Variants in SLC26A3 observed in about 807,000 individuals in gnomAD.
SLC26A3 encodes solute carrier family 26 member 3, also known as chloride anion exchanger.
Under a neutral mutation model 85.6 loss-of-function variants are expected in SLC26A3, and 64 were observed. The ratio of observed to expected loss-of-function variants is 0.75; its 90% confidence interval spans 0.61 to 0.92. The LOEUF (loss-of-function observed/expected upper bound fraction) is 0.92, where lower values mean the gene tolerates loss of function less well. Among genes scored for constraint, SLC26A3 ranks in the 40% least tolerant of loss-of-function variants. The pLI is 0.00. For synonymous variants in SLC26A3, 349 were observed against 336.0 expected (o/e 1.04, Z -0.42); for missense variants, 922 against 927.3 (o/e 0.99, Z 0.07).
chr7:107,767,506 G>A, intron 20 of SLC26A3, 73 bp downstream of exon 20: 1 of 1,087,194 alleles, frequency 9.2e-7, no homozygotes, highest in South Asian at 1.3e-5. Context: ...CATGCAGGAA[G>A]TGGCCTCACT....
Position 107,774,024 on chromosome 7 carries a change from G to A in SLC26A3, c.1903C>T (p.Leu635Phe), listed in dbSNP as rs1237682553. Reference protein sequence around the residue: ...LPFHIDWNDDLPLNIEVPKIS... With the variant: ...LPFHIDWNDDFPLNIEVPKIS... ...TTGGGGACCTCAATGTTGAGAGGAAGATCATCATTCCAGTCAATGTGGAAA... is the reference window on the plus strand; with the variant it reads ...TTGGGGACCTCAATGTTGAGAGGAAAATCATCATTCCAGTCAATGTGGAAA... Residue 635 changes from leucine to phenylalanine, a missense_variant, in exon 17 of 21, where the codon CTT becomes TTT. By Grantham distance (22) the Leu-to-Phe change is conservative. Transcript: ENST00000340010. 4 of 1,613,928 alleles carry A rather than the reference G, an allele frequency of 2.5e-6. No homozygotes were observed. In the Admixed American group the frequency reaches 5.0e-5, roughly 20 times the overall value.
Position 107,776,699 on chromosome 7 carries a change from A to G in SLC26A3, c.1522T>C (p.Cys508Arg). ...TIVFRTQFPK[C>R]STLANIGRTN... Reference sequence around the variant, plus strand: ...CTTCCAATATTAGCCAGCGTGCTGCATTTTGGACTGTAGGGAGAAAAACAC... The same window carrying G: ...CTTCCAATATTAGCCAGCGTGCTGCGTTTTGGACTGTAGGGAGAAAAACAC... The change falls in exon 14 of 21, where the codon TGC becomes CGC. Residue 508 changes from cysteine to arginine, a missense_variant. Physicochemically the swap from Cys to Arg is radical, Grantham distance 180. Coordinates refer to ENST00000340010, the MANE Select transcript of SLC26A3 (RefSeq NM_000111.3). 6.2e-7 allele frequency: 1 copy of G among 1,613,490 alleles called. No individual in the cohort carries two copies. The highest frequency in any genetic ancestry group is 8.5e-7 in the Non-Finnish European group (1 of 1,179,874).
chr7:107,791,787 G>A (rs1166933471), intron 4 of SLC26A3, 43 bp downstream of exon 4: 2 of 1,271,466 alleles, frequency 1.6e-6, no homozygotes, highest in Non-Finnish European at 1.2e-6. Context: ...AATTCATAAG[G>A]AAAAAACAAT....
rs112949176 is a variant in SLC26A3 at position 107,769,374 on chromosome 7, G to A, written c.2063-1466C>T. Among the ~76,000 whole-genome samples the A allele has an allele frequency of 8.3e-3, 1,257 of 152,116 alleles. 11 individuals are homozygous for A. The highest frequency in any genetic ancestry group is 0.013 in the Non-Finnish European group (893 of 67,996). ...AAAGAAAATGTGGTACATATACACC[G>A]TGGAATACTATATAAAAACATATAA... On this transcript the variant is annotated intron_variant, in intron 18 of 20. Transcript: ENST00000340010.
intron 18 of SLC26A3, 54 bp downstream of exon 18, chr7:107,772,000 G>T: frequency 1.7e-6 from 2 of 1,165,874 alleles, no homozygotes; most frequent in South Asian, 1.2e-5. Flanking sequence ...ACTGAGAGTT[G>T]GCAGTGAGCC....
intron 3 of SLC26A3, 130 bp from the exon 4 acceptor site, chr7:107,792,070 GATGTAA>G: frequency 1.6e-6 from 1 of 636,508 alleles, no homozygotes; most frequent in Non-Finnish European, 2.9e-6. Flanking sequence ...ATGTATTAAA[GATGTAA>G]ATGTAAGAAC....
At chr7:107,770,000 C>CTG (rs1306096940) in intron 18 of SLC26A3, among the ~76,000 whole-genome samples, 2 of 131,102 alleles carry the variant, frequency 1.5e-5, no homozygotes, top group East Asian at 4.4e-4. Context: ...TTCCTTTTTT[C>CTG]TCTTTCTTTC....
At chr7:107,788,689 TG>T (rs1465943715) in intron 6 of SLC26A3, among the ~76,000 whole-genome samples, 5 of 152,042 alleles carry the variant, frequency 3.3e-5, no homozygotes, top group Admixed American at 2.6e-4. Flanking sequence ...ATTAGCTGTA[TG>T]GTAGATGTGG....
In SLC26A3 at chr7:107,786,904, C is replaced by T; in HGVS notation, c.894G>A (p.Val298=). 1.9e-6 allele frequency: 3 copies of T among 1,613,884 alleles called. No individual in the cohort carries two copies. The highest frequency in any genetic ancestry group is 2.5e-6 in the Non-Finnish European group (3 of 1,179,922). The change falls in exon 8 of 21, where the codon GTG becomes GTA. Residue 298 remains valine, a synonymous_variant. Coordinates refer to ENST00000340010, the MANE Select transcript of SLC26A3 (RefSeq NM_000111.3). The part of the protein sequence containing the change: ...VPIPIEFIMT[V]IAAGVSYGCD... ...AGCCGTAGGATACACCTGCTGCAAT[C>T]ACGGTCTGCAAAGTTGCAAATGGCC...
At chr7:107,787,581 CA>C in intron 6 of SLC26A3, 72 bp from the exon 7 acceptor site, 1 of 1,317,034 alleles carries the variant, frequency 7.6e-7, no homozygotes, top group East Asian at 2.3e-5. Flanking sequence ...CATCTCCAAA[CA>C]AATAAAAATA....
Position 107,770,000 on chromosome 7 carries a change from C to CTGTCTT in SLC26A3, c.2062+2053_2062+2054insAAGACA, listed in dbSNP as rs1306096940. Among the ~76,000 whole-genome samples, 18 of 131,102 alleles carry CTGTCTT rather than the reference C, an allele frequency of 1.4e-4. No individual in the cohort carries two copies. In the East Asian group the frequency reaches 4.0e-3, roughly 29 times the overall value. The allele number at this position is 131,102 out of a possible 152,430, so 86.0% of individuals were successfully genotyped here. ...CCCTCCCTTCCTTCCTTCCTTTTTT[C>CTGTCTT]TCTTTCTTTCTTTCTTTCTTTCTTT... is the stretch of plus-strand genomic sequence containing the variant. On this transcript the variant is annotated intron_variant, in intron 18 of 20. Coordinates refer to ENST00000340010, the MANE Select transcript of SLC26A3 (RefSeq NM_000111.3).
intron 1 of SLC26A3, among the ~76,000 whole-genome samples, chr7:107,798,885 T>C (rs1332014916): frequency 6.6e-6 from 1 of 151,998 alleles, no homozygotes; most frequent in Non-Finnish European, 1.5e-5. Context: ...CCTTGGACAA[T>C]GGGAAATACA....
Position 107,765,765 on chromosome 7 carries a change from G to A in SLC26A3, c.*90C>T, listed in dbSNP as rs1055416477. ...ACATATTCTGTCAAAAATACTCTTC[G>A]TACAATGTATGAACTTATCAATAAC... On this transcript the variant is annotated 3_prime_UTR_variant, in exon 21 of 21. Transcript: ENST00000340010. 1.0e-4 allele frequency: 98 copies of A among 961,254 alleles called. No homozygotes were observed. Among genetic ancestry groups the A allele is most frequent in the South Asian group, 1.9e-4 (14 of 73,578 alleles). The allele number at this position is 961,254 out of a possible 1,614,324, so 59.5% of individuals were successfully genotyped here.
At position 107,783,043 on chromosome 7, in the gene SLC26A3, T is replaced by C; in HGVS notation, c.1170A>G (p.Gly390=). The change falls in exon 10 of 21, where the codon GGA becomes GGG. Residue 390 remains glycine (G), a synonymous_variant. Transcript: ENST00000340010. The part of the protein sequence containing the change: ...LGNIVCGVFR[G]FAGSTALSRS... ...TGGAGAGGGCAGTACTCCCAGCAAA[T>C]CCTCTGAATACTCCACAGACTATGT... 6.2e-7 allele frequency: 1 copy of C among 1,614,160 alleles called. No homozygotes were observed. Among genetic ancestry groups the C allele is most frequent in the Non-Finnish European group, 8.5e-7 (1 of 1,180,030 alleles).
chr7:107,766,454 T>G (rs1385763258), intron 20 of SLC26A3, among the ~76,000 whole-genome samples: 3 of 152,156 alleles, frequency 2.0e-5, no homozygotes, highest in African/African-American at 7.2e-5. Flanking sequence ...GGTGCCAGTT[T>G]TATTGGGTTT....
In SLC26A3 at chr7:107,786,723, G is replaced by A. The variant is rs1011648638; in HGVS notation, c.971+104C>T. ...CAGGGTGCAGGGAGGATTCTGATGA[G>A]GGTTACCTGCAGGCTGAACTGCAGT... On this transcript the variant is annotated intron_variant, in intron 8 of 20. Coordinates refer to ENST00000340010, the MANE Select transcript of SLC26A3 (RefSeq NM_000111.3). 23 of 942,692 alleles carry A rather than the reference G, an allele frequency of 2.4e-5. No homozygotes were observed. In the African/African-American group the frequency reaches 3.2e-4, roughly 13 times the overall value. 58.4% of individuals were successfully genotyped at this position (942,692 alleles called of 1,614,324 possible).
At chr7:107,781,816 A>G (rs1794219408) in intron 11 of SLC26A3, among the ~76,000 whole-genome samples, 1 of 152,192 alleles carries the variant, frequency 6.6e-6, no homozygotes, top group African/African-American at 2.4e-5. Context: ...GTAACAGCCA[A>G]TAGACATTTG....
chr7:107,776,898 C>T (rs188707117), intron 13 of SLC26A3, 192 bp from the exon 14 acceptor site: 6 of 646,738 alleles, frequency 9.3e-6, no homozygotes, highest in Non-Finnish European at 1.7e-5. Context: ...TCTCACAGCA[C>T]CTGAAAAGTG....
At chr7:107,780,372 C>T (rs780983043) in intron 11 of SLC26A3, among the ~76,000 whole-genome samples, 8 of 152,160 alleles carry the variant, frequency 5.3e-5, no homozygotes, top group Admixed American at 2.0e-4. Flanking sequence ...CAGTACTAAT[C>T]CCTACAGCCA....
Sources: allele counts gnomAD v4.1 joint callset (sites outside exome capture counted in the v4.1 genomes callset), GRCh38; gene constraint gnomAD v4.1.1; transcripts MANE v1.5; gene names NCBI Gene and HGNC (gene_info 2026-07-23, HGNC 2026-07-21).